MYOF: variants seen among roughly 807,000 people sequenced by gnomAD.
The protein encoded by MYOF is myoferlin, also known as fer-1-like 3, myoferlin.
In MYOF, 244 loss-of-function variants were observed where a neutral mutation model predicts 284.2. That is an observed-to-expected ratio of 0.86 (90% CI 0.77 to 0.95). The LOEUF (loss-of-function observed/expected upper bound fraction) is 0.95, where lower values mean the gene tolerates loss of function less well. MYOF is among the 40% of genes least tolerant of loss of function. MYOF has a pLI of 0.00. For synonymous variants in MYOF, 904 were observed against 919.7 expected (o/e 0.98, Z 0.31); for missense variants, 2,496 against 2,560.6 (o/e 0.97, Z 0.54).
At position 93,380,000 on chromosome 10, in the gene MYOF, A is replaced by G. The variant is rs558704061; in HGVS notation, c.1877-13T>C. ...TAATAGTAGTTGCCTGGTATAAAACATTGGGGGTCAATGAACACTGAACAC... is the reference window on the plus strand; with the variant it reads ...TAATAGTAGTTGCCTGGTATAAAACGTTGGGGGTCAATGAACACTGAACAC... On this transcript the variant is annotated splice_polypyrimidine_tract_variant and intron_variant, in intron 20 of 53. Coordinates refer to ENST00000359263, the MANE Select transcript of MYOF (RefSeq NM_013451.4). The G allele has an allele frequency of 1.9e-5, 30 of 1,610,928 alleles. No homozygotes were observed. The South Asian group carries it at 3.3e-4, about 18-fold the overall frequency.
intron 32 of MYOF, 83 bp downstream of exon 32, chr10:93,353,728 G>T: frequency 8.6e-7 from 1 of 1,161,880 alleles, no homozygotes; most frequent in South Asian, 1.5e-5. Context: ...TGTTAGAAAT[G>T]ACAAAAAGCA....
At chr10:93,405,018 T>C (rs1388893593) in intron 7 of MYOF, among the ~76,000 whole-genome samples, 2 of 152,224 alleles carry the variant, frequency 1.3e-5, no homozygotes, top group African/African-American at 4.8e-5. Flanking sequence ...ACTTTTTACT[T>C]AGGAATATTT....
chr10:93,312,914 T>C (rs995175753), intron 51 of MYOF, 106 bp downstream of exon 51: 3 of 1,227,326 alleles, frequency 2.4e-6, no homozygotes, highest in East Asian at 2.4e-5. Flanking sequence ...CTCCCACCAA[T>C]TTAAAACTTC....
intron 53 of MYOF, 55 bp from the exon 54 acceptor site, chr10:93,307,056 A>G: frequency 6.7e-7 from 1 of 1,487,522 alleles, no homozygotes. Context: ...TATGTTTTTC[A>G]GTTAGGGTTT....
At chr10:93,394,055 T>C (rs1271111233) in intron 16 of MYOF, among the ~76,000 whole-genome samples, 1 of 152,186 alleles carries the variant, frequency 6.6e-6, no homozygotes, top group African/African-American at 2.4e-5. Flanking sequence ...TCTTACCTTC[T>C]ACCATTTGCT....
At chr10:93,378,693 G>GTGTGTGTATGTATATATATA in intron 21 of MYOF, among the ~76,000 whole-genome samples, 1 of 87,894 alleles carries the variant, frequency 1.1e-5, no homozygotes, top group East Asian at 8.1e-4. Flanking sequence ...GTGTGTGTGT[G>GTGTGTGTATGTATATATATA]TATATATATA....
Position 93,365,545 on chromosome 10 carries a change from C to T in MYOF, c.2753+847G>A, listed in dbSNP as rs142473146. Reference sequence around the variant, plus strand: ...AGTTGAGTACTGGTTTGGGTGCCCACGCTAGACTTGGATTCTAGCCCCTAC... The same window carrying T: ...AGTTGAGTACTGGTTTGGGTGCCCATGCTAGACTTGGATTCTAGCCCCTAC... On this transcript the variant is annotated intron_variant, in intron 26 of 53. Coordinates refer to ENST00000359263, the MANE Select transcript of MYOF (RefSeq NM_013451.4). 7.2e-5 allele frequency among the ~76,000 whole-genome samples: 11 copies of T among 152,296 alleles called. No homozygotes were observed. The East Asian group carries it at 1.2e-3, about 16-fold the overall frequency.
chr10:93,395,410 T>C (rs1846953061), intron 16 of MYOF, among the ~76,000 whole-genome samples: 1 of 152,200 alleles, frequency 6.6e-6, no homozygotes, highest in Admixed American at 6.5e-5. Context: ...GCCACTGCAC[T>C]CCAGCCTGGG....
intron 41 of MYOF, among the ~76,000 whole-genome samples, chr10:93,334,490 T>C (rs77069926): frequency 5.6e-4 from 86 of 152,254 alleles, no homozygotes; most frequent in African/African-American, 2.0e-3. Context: ...ATTCTCTAGA[T>C]CCTTCATTAG....
At chr10:93,410,038 G>T (rs773605613) in intron 5 of MYOF, among the ~76,000 whole-genome samples, 2 of 152,172 alleles carry the variant, frequency 1.3e-5, no homozygotes, top group Non-Finnish European at 2.9e-5. Flanking sequence ...ACCCAGCCAG[G>T]GATTGCTGAG....
rs375396146 is a variant in MYOF at position 93,406,847 on chromosome 10, A to G, written c.729+1940T>C. ...TTTCTTTTCTGAATAAAGAAGTAGG[A>G]AAAAAAAAAGGACAAACGCCAGAGC... On this transcript the variant is annotated intron_variant, in intron 7 of 53. Coordinates refer to ENST00000359263, the MANE Select transcript of MYOF (RefSeq NM_013451.4). Among the ~76,000 whole-genome samples, 43 of 135,908 alleles carry G rather than the reference A, an allele frequency of 3.2e-4. No homozygotes were observed. The East Asian group carries it at 6.5e-3, about 21-fold the overall frequency. The allele number at this position is 135,908 out of a possible 152,430, so 89.2% of individuals were successfully genotyped here.
Position 93,333,671 on chromosome 10 carries a change from G to T in MYOF, c.4719+87C>A, listed in dbSNP as rs888983298. The T allele has an allele frequency of 1.4e-5, 21 of 1,508,080 alleles. No individual in the cohort carries two copies. The South Asian group carries it at 2.2e-4, about 16-fold the overall frequency. The allele number at this position is 1,508,080 out of a possible 1,614,324, so 93.4% of individuals were successfully genotyped here. A position where few individuals can be genotyped will look rare whatever the true frequency, so the allele number is the denominator to read the frequency against. On this transcript the variant is annotated intron_variant, in intron 42 of 53. Coordinates refer to ENST00000359263, the MANE Select transcript of MYOF (RefSeq NM_013451.4). Reference sequence around the variant, plus strand: ...TCTTTCCCCTAGTGAGATAACAGACGCCCAGAAAGAAAGAACATGACAATT... The same window carrying T: ...TCTTTCCCCTAGTGAGATAACAGACTCCCAGAAAGAAAGAACATGACAATT...
chr10:93,427,313 A>G (rs866326424), intron 4 of MYOF, among the ~76,000 whole-genome samples: 2 of 152,022 alleles, frequency 1.3e-5, no homozygotes, highest in South Asian at 4.2e-4. Context: ...TGGGTGGATC[A>G]CAAGGTCAGG....
chr10:93,350,933 C>T (rs1402260373), intron 35 of MYOF, among the ~76,000 whole-genome samples: 1 of 152,156 alleles, frequency 6.6e-6, no homozygotes, highest in Non-Finnish European at 1.5e-5. Context: ...TCCCAGGTCT[C>T]CAGTTGACCT....
chr10:93,318,574 C>T (rs1842719460), intron 49 of MYOF, among the ~76,000 whole-genome samples: 1 of 152,020 alleles, frequency 6.6e-6, no homozygotes, highest in African/African-American at 2.4e-5. Context: ...GCCTGACCAA[C>T]ACGGAGAAAC....
At chr10:93,465,527 T>TC in intron 1 of MYOF, among the ~76,000 whole-genome samples, 1 of 80,934 alleles carries the variant, frequency 1.2e-5, no homozygotes, top group Admixed American at 1.9e-4. Context: ...TTTCTTTCTT[T>TC]TTTTTCTTTT....
chr10:93,369,254 G>A (rs1054011208), intron 25 of MYOF, among the ~76,000 whole-genome samples: 1 of 99,606 alleles, frequency 1.0e-5, no homozygotes, highest in African/African-American at 4.1e-5. Flanking sequence ...CCCTCTCCTG[G>A]GTTGGTGTGT....
At chr10:93,336,709 G>A (rs79596908) in intron 40 of MYOF, among the ~76,000 whole-genome samples, 3,251 of 151,930 alleles carry the variant, frequency 0.021, 125 homozygotes, top group African/African-American at 0.074. Context: ...TCACTTTATC[G>A]TATGTAAAAT....
chr10:93,359,871 T>C lies in MYOF; in HGVS notation c.3082A>G (p.Lys1028Glu). ...GAAGCAGTCTGTGTTAAATCTTTCT[T>C]GCGTTTTCGGACCAGCCTTCGCCGT... Reference protein sequence around the residue: ...HRRRRLVRKRKKDLTQTASST... With the variant: ...HRRRRLVRKREKDLTQTASST... Residue 1028 changes from lysine to glutamate, a missense_variant, in exon 29 of 54, where the codon AAG becomes GAG. By Grantham distance (56) the Lys-to-Glu change is moderately conservative. Around this residue, in one of 3 missense-constraint regions of MYOF, gnomAD observed 2,436 missense variants for 2,480.7 expected, o/e 0.98. Transcript: ENST00000359263. 22 of 1,614,228 alleles carry C rather than the reference T, an allele frequency of 1.4e-5. No homozygotes were observed. The highest frequency in any genetic ancestry group is 1.9e-5 in the Non-Finnish European group (22 of 1,180,030).
Sources: allele counts gnomAD v4.1 joint callset (sites outside exome capture counted in the v4.1 genomes callset), GRCh38; gene constraint gnomAD v4.1.1; regional missense constraint gnomAD v4.1.1; transcripts MANE v1.5; gene names NCBI Gene and HGNC (gene_info 2026-07-23, HGNC 2026-07-21).